Variants in TSC22D1 observed in about 807,000 individuals in gnomAD.
TSC22D1 encodes TSC22 domain family protein 1.
TSC22D1 carries 9 observed loss-of-function variants against 74.2 expected under a neutral mutation model. The observed-to-expected ratio is 0.12, with a 90% CI of 0.07 to 0.21. The LOEUF (loss-of-function observed/expected upper bound fraction) is 0.21, where lower values mean the gene tolerates loss of function less well. Among genes scored for constraint, TSC22D1 ranks in the 10% least tolerant of loss-of-function variants. The probability of loss-of-function intolerance (pLI) is 1.00; values close to 1 mark genes in which losing one functional copy is unlikely to be tolerated. For synonymous variants in TSC22D1, 586 were observed against 492.5 expected, an observed-to-expected ratio of 1.19 and a Z score of -2.51; for missense variants, 1,427 against 1,304.7, an observed-to-expected ratio of 1.09 and a Z score of -1.44.
intron 1 of TSC22D1, among the ~76,000 whole-genome samples, chr13:44,565,563 C>T (rs1249307127): frequency 2.0e-5 from 3 of 151,886 alleles, no homozygotes; most frequent in African/African-American, 4.8e-5. Flanking sequence ...ATTTTTCAAC[C>T]TTGTGTAGTT....
chr13:44,434,937 T>C (rs1057350991), intron 2 of TSC22D1, 54 bp from the exon 3 acceptor site: 24 of 1,476,172 alleles, frequency 1.6e-5, no homozygotes, highest in East Asian at 2.3e-5. Flanking sequence ...TCTGGACTCT[T>C]TTGAGTTTCC....
chr13:44,524,548 T>G (rs770717469), intron 1 of TSC22D1, among the ~76,000 whole-genome samples: 13 of 152,148 alleles, frequency 8.5e-5, no homozygotes, highest in Non-Finnish European at 1.5e-4. Flanking sequence ...CCATGATTTT[T>G]TTTGTTTGTT....
intron 1 of TSC22D1, among the ~76,000 whole-genome samples, chr13:44,511,967 C>T (rs925858550): frequency 6.6e-6 from 1 of 152,084 alleles, no homozygotes; most frequent in Admixed American, 6.5e-5. Flanking sequence ...GTACCTTCAA[C>T]CTTCTGCTTT....
At position 44,575,788 on chromosome 13, in the gene TSC22D1, T is replaced by A; in HGVS notation, c.287A>T (p.Gln96Leu). The A allele has an allele frequency of 6.2e-7, 1 of 1,613,024 alleles. No homozygotes were observed. The highest frequency in any genetic ancestry group is 8.5e-7 in the Non-Finnish European group (1 of 1,179,712). Residue 96 changes from glutamine (Q) to leucine (L), a missense_variant, in exon 1 of 3, where the codon CAG becomes CTG. This residue lies in a region of TSC22D1 where 1,343 missense variants were observed against 1,191.5 expected (regional missense o/e 1.13). Transcript: ENST00000458659. ...NLLSQAQLQA[Q>L]PLAPGGTQMK... ...TTGAGTTCCGCCTGGCGCAAGAGGC[T>A]GTGCCTGCAGCTGAGCCTGCGAAAG...
chr13:44,436,562 T>C (rs755735599), intron 1 of TSC22D1: 30 of 1,613,922 alleles, frequency 1.9e-5, no homozygotes, highest in East Asian at 1.3e-4. Flanking sequence ...AAGAAAGAAA[T>C]TGAAAAATGT....
chr13:44,547,695 C>T lies in TSC22D1; in HGVS notation c.2912+25468G>A, dbSNP rs1009712783. On this transcript the variant is annotated intron_variant, in intron 1 of 2. Transcript: ENST00000458659. ...TCCAATGTATTAATACCTTCACTTA[C>T]AAAGTTGGTTACAGGTAAATATTCA... 6.6e-5 allele frequency among the ~76,000 whole-genome samples: 10 copies of T among 152,172 alleles called. No homozygotes were observed. In the East Asian group the frequency reaches 1.9e-3, roughly 29 times the overall value.
At chr13:44,453,822 C>T (rs775571778) in intron 1 of TSC22D1, among the ~76,000 whole-genome samples, 2 of 152,124 alleles carry the variant, frequency 1.3e-5, no homozygotes, top group African/African-American at 2.4e-5. Context: ...GAGTATTACA[C>T]GTATGTTTCT....
chr13:44,492,903 C>A (rs1030413400), intron 1 of TSC22D1, among the ~76,000 whole-genome samples: 1 of 152,040 alleles, frequency 6.6e-6, no homozygotes, highest in Non-Finnish European at 1.5e-5. Flanking sequence ...GAAAACTGCT[C>A]AAGAGATATA....
chr13:44,507,430 G>C (rs1012760853), intron 1 of TSC22D1, among the ~76,000 whole-genome samples: 1 of 151,992 alleles, frequency 6.6e-6, no homozygotes, highest in Non-Finnish European at 1.5e-5. Context: ...AAACTAAGGA[G>C]ATGTTTTCAA....
chr13:44,573,707 T>C lies in TSC22D1; in HGVS notation c.2368A>G (p.Ile790Val), dbSNP rs140400740. The change falls in exon 1 of 3, where the codon ATT (isoleucine) becomes GTT (valine). Residue 790 changes from isoleucine to valine, a missense_variant. Ile to Val is a conservative substitution (Grantham distance 29). Transcript: ENST00000458659. ...GTTAACAAGGAACTTTGGGATGCAA[T>C]AACCAATTGTTGAGGAAGGCTTGGA... The part of the protein sequence containing the change: ...SAPSLPQQLV[I>V]ASQSSLLTVP... 3.7e-5 allele frequency: 59 copies of C among 1,614,056 alleles called. No individual in the cohort carries two copies. Among genetic ancestry groups the C allele is most frequent in the African/African-American group, 3.1e-4 (23 of 74,910 alleles).
At chr13:44,544,721 T>C (rs1881708559) in intron 1 of TSC22D1, among the ~76,000 whole-genome samples, 2 of 152,156 alleles carry the variant, frequency 1.3e-5, no homozygotes, top group Non-Finnish European at 2.9e-5. Context: ...AATTCCATTA[T>C]CTGTATATTT....
chr13:44,515,959 G>A (rs1879960057), intron 1 of TSC22D1, among the ~76,000 whole-genome samples: 1 of 152,108 alleles, frequency 6.6e-6, no homozygotes, highest in South Asian at 2.1e-4. Flanking sequence ...CACAGAGGGA[G>A]AAATAAGGAT....
intron 1 of TSC22D1, chr13:44,537,255 C>T (rs1208717360): frequency 1.1e-6 from 1 of 942,944 alleles, no homozygotes; most frequent in African/African-American, 1.8e-5. Context: ...TATAAAAAAA[C>T]TCAAAGGTAA....
At chr13:44,483,298 A>C (rs1383758892) in intron 1 of TSC22D1, among the ~76,000 whole-genome samples, 1 of 152,178 alleles carries the variant, frequency 6.6e-6, no homozygotes, top group Admixed American at 6.6e-5. Context: ...AAGCTAGCAC[A>C]ATCAGCTAGC....
Position 44,490,361 on chromosome 13 carries a change from T to G in TSC22D1, c.2913-54266A>C, listed in dbSNP as rs1878642576. ...AGGTCATTTGAGAGAATGCTAAGTTTTTTTTTTTTTTTTCATGTAGATGGA... is the reference window on the plus strand; with the variant it reads ...AGGTCATTTGAGAGAATGCTAAGTTGTTTTTTTTTTTTTCATGTAGATGGA... On this transcript the variant is annotated intron_variant, in intron 1 of 2. Transcript: ENST00000458659. Among the ~76,000 whole-genome samples the G allele has an allele frequency of 3.3e-5, 5 of 151,122 alleles. 1 individual carries two copies. The South Asian group carries it at 1.0e-3, about 31-fold the overall frequency.
chr13:44,516,200 AC>A (rs1387984717), intron 1 of TSC22D1: 2 of 271,734 alleles, frequency 7.4e-6, no homozygotes, highest in Middle Eastern at 4.4e-4. Context: ...CACCTATGCT[AC>A]TAAAAAAAAA....
At chr13:44,442,748 C>A (rs146818570) in intron 1 of TSC22D1, among the ~76,000 whole-genome samples, 1 of 151,630 alleles carries the variant, frequency 6.6e-6, no homozygotes, top group African/African-American at 2.4e-5. Context: ...GAAACCCCAT[C>A]TCTACTAAAA....
At chr13:44,555,993 T>C (rs1882610821) in intron 1 of TSC22D1, among the ~76,000 whole-genome samples, 1 of 152,056 alleles carries the variant, frequency 6.6e-6, no homozygotes, top group Non-Finnish European at 1.5e-5. Context: ...ATTACTGGCT[T>C]TCAGTCACTT....
intron 1 of TSC22D1, among the ~76,000 whole-genome samples, chr13:44,475,328 G>A (rs1328712160): frequency 1.3e-5 from 2 of 152,072 alleles, no homozygotes; most frequent in Non-Finnish European, 2.9e-5. Context: ...TAAAACTGCA[G>A]GATGCATCTA....
Sources: gnomAD v4.1 joint callset for allele counts (sites outside exome capture counted in the v4.1 genomes callset) on GRCh38, gnomAD v4.1.1 for gene constraint, gnomAD v4.1.1 regional missense constraint, MANE v1.5 for transcripts, NCBI Gene and HGNC (gene_info 2026-07-23, HGNC 2026-07-21) for gene names.